SVEP1: variants seen among roughly 807,000 people sequenced by gnomAD.
SVEP1 encodes sushi, von Willebrand factor type A, EGF and pentraxin domain containing 1, also known as sushi, von Willebrand factor type A, EGF and pentraxin domain-containing protein 1.
In SVEP1, 164 loss-of-function variants were observed where a neutral mutation model predicts 367.3. The ratio of observed to expected loss-of-function variants is 0.45; its 90% CI spans 0.39 to 0.51. The LOEUF (loss-of-function observed/expected upper bound fraction) is 0.51. Ranked by LOEUF, SVEP1 falls within the 20% of genes least tolerant of loss-of-function variation. SVEP1 has a pLI of 0.00. For missense variants in SVEP1, 4,117 were observed against 4,425.3 expected, an observed-to-expected ratio of 0.93 and a Z score of 1.98; for synonymous variants, 1,666 against 1,611.6, an observed-to-expected ratio of 1.03 and a Z score of -0.81.
At chr9:110,390,108 A>AGT (rs1229680403) in intron 40 of SVEP1, among the ~76,000 whole-genome samples, 1 of 106,500 alleles carries the variant, frequency 9.4e-6, no homozygotes, top group Admixed American at 1.1e-4. Flanking sequence ...TACTTATATA[A>AGT]GTATATATAC....
intron 1 of SVEP1, among the ~76,000 whole-genome samples, chr9:110,578,746 T>C (rs1162269505): frequency 1.3e-5 from 2 of 152,208 alleles, no homozygotes; most frequent in African/African-American, 4.8e-5. Context: ...GATTAGCGTT[T>C]CAAGGATCCC....
chr9:110,578,977 G>A (rs939308799), intron 1 of SVEP1, 36 bp downstream of exon 1: 2 of 1,541,922 alleles, frequency 1.3e-6, no homozygotes, highest in Non-Finnish European at 1.7e-6. Context: ...AGGGCCCGGG[G>A]ACTAGGGCCC....
chr9:110,560,334 T>C (rs951648453), intron 1 of SVEP1, among the ~76,000 whole-genome samples: 4 of 152,194 alleles, frequency 2.6e-5, no homozygotes, highest in Non-Finnish European at 5.9e-5. Flanking sequence ...AATTGCCTAA[T>C]GATGCTTTTC....
At chr9:110,541,847 C>A (rs980896648) in intron 3 of SVEP1, among the ~76,000 whole-genome samples, 4 of 135,750 alleles carry the variant, frequency 2.9e-5, no homozygotes, top group Admixed American at 1.5e-4. Context: ...ACATAGATAT[C>A]TATATATATC....
chr9:110,566,437 C>A (rs11795219), intron 1 of SVEP1, among the ~76,000 whole-genome samples: 31,481 of 152,066 alleles, frequency 0.21, 3,339 homozygotes, highest in East Asian at 0.31. Context: ...AAAGTGCTTA[C>A]AGTGGTGCCT....
At chr9:110,428,721 T>C (rs1564140021) in intron 35 of SVEP1, among the ~76,000 whole-genome samples, 1 of 152,056 alleles carries the variant, frequency 6.6e-6, no homozygotes, top group Non-Finnish European at 1.5e-5. Context: ...TTTGAGAACA[T>C]CCTCATATTT....
chr9:110,388,365 G>A (rs1827558586), intron 41 of SVEP1, among the ~76,000 whole-genome samples: 1 of 152,240 alleles, frequency 6.6e-6, no homozygotes, highest in African/African-American at 2.4e-5. Context: ...ATGGGCTTGA[G>A]TCTTAATTTT....
At chr9:110,484,492 G>T (rs1302413177) in intron 9 of SVEP1, among the ~76,000 whole-genome samples, 2 of 151,934 alleles carry the variant, frequency 1.3e-5, no homozygotes, top group African/African-American at 4.8e-5. Context: ...CAATAAAGTG[G>T]GTGTATAATC....
intron 36 of SVEP1, among the ~76,000 whole-genome samples, chr9:110,426,523 T>G (rs1269988053): frequency 6.6e-6 from 1 of 152,066 alleles, no homozygotes; most frequent in Admixed American, 6.6e-5. Flanking sequence ...AACAACAGAG[T>G]TGAGATACAA....
rs149371642 is a variant in SVEP1, at chr9:110,474,511, C to G, written c.2599+1693G>C. On this transcript the variant is annotated intron_variant, in intron 14 of 47. Transcript: ENST00000374469. ...GTGCCACCTGCCCATGCTTTTTTCTCAAGAATTGCCATTTGGACCCTTATT... is the reference window on the plus strand; with the variant it reads ...GTGCCACCTGCCCATGCTTTTTTCTGAAGAATTGCCATTTGGACCCTTATT... 3.4e-4 allele frequency among the ~76,000 whole-genome samples: 52 copies of G among 152,138 alleles called. No individual in the cohort carries two copies. In the East Asian group the frequency reaches 9.6e-3, roughly 28 times the overall value.
Position 110,427,595 on chromosome 9 carries a change from C to T in SVEP1, c.5971G>A (p.Glu1991Lys). The change falls in exon 36 of 48, where the codon GAA becomes AAA. Residue 1991 changes from glutamate (E) to lysine (K), a missense_variant. Glu to Lys is a moderately conservative substitution (Grantham distance 56). Transcript: ENST00000374469. ...TCCTTCACAGGCCCTACTCACCCTT[C>T]TTTGCAAGTGTAAGTGACGGTGTTC... is the stretch of plus-strand genomic sequence containing the variant. The part of the protein sequence containing the change: ...FRNTVTYTCK[E>K]GYTLAGLDTI... 6.2e-7 allele frequency: 1 copy of T among 1,612,968 alleles called. No individual in the cohort carries two copies.
intron 22 of SVEP1, among the ~76,000 whole-genome samples, chr9:110,452,234 G>A (rs1425755121): frequency 1.3e-5 from 2 of 152,008 alleles, no homozygotes. Context: ...TTTTTTCACA[G>A]TAAACCCACA....
intron 3 of SVEP1, among the ~76,000 whole-genome samples, chr9:110,533,245 T>C (rs1830042023): frequency 6.6e-6 from 1 of 152,166 alleles, no homozygotes; most frequent in Admixed American, 6.6e-5. Flanking sequence ...CTACCACTGA[T>C]GGAGCACAGT....
chr9:110,409,808 T>C (rs1828018415), intron 37 of SVEP1, among the ~76,000 whole-genome samples: 1 of 152,154 alleles, frequency 6.6e-6, no homozygotes, highest in East Asian at 1.9e-4. Context: ...TTAATATTCG[T>C]GATCTCAAAA....
chr9:110,408,706 A>T lies in SVEP1; in HGVS notation c.6894T>A (p.Gly2298=). 6.2e-7 allele frequency: 1 copy of T among 1,614,018 alleles called. No homozygotes were observed. Among genetic ancestry groups the T allele is most frequent in the South Asian group, 1.1e-5 (1 of 91,086 alleles). The part of the protein sequence containing the change: ...FFCNEGYELV[G]DSSWTCQKSG... ...ATTTCTGACATGTCCAAGAACTGTC[A>T]CCAACAAGCTCATAACCCTCATTAC... is the stretch of plus-strand genomic sequence containing the variant. Residue 2298 remains glycine (G), a synonymous_variant, in exon 38 of 48, where the codon GGT becomes GGA. Transcript: ENST00000374469.
intron 10 of SVEP1, 61 bp downstream of exon 10, chr9:110,483,524 CT>C: frequency 8.1e-7 from 1 of 1,231,310 alleles, no homozygotes; most frequent in Non-Finnish European, 1.1e-6. Flanking sequence ...CATTAAAAAG[CT>C]TTTTAAAATA....
At chr9:110,443,842 CATT>C in intron 26 of SVEP1, 122 bp from the exon 27 acceptor site, 1 of 782,788 alleles carries the variant, frequency 1.3e-6, no homozygotes, top group South Asian at 3.7e-5. Flanking sequence ...TGTGTAAATC[CATT>C]ACTCTTTTTT....
At chr9:110,490,809 GTTTTT>G (rs977081535) in intron 8 of SVEP1, among the ~76,000 whole-genome samples, 4 of 151,906 alleles carry the variant, frequency 2.6e-5, no homozygotes, top group African/African-American at 4.8e-5. Flanking sequence ...TTAATGAACT[GTTTTT>G]TAATGCCATA....
chr9:110,483,310 C>T (rs73655378), intron 10 of SVEP1, among the ~76,000 whole-genome samples: 4,292 of 152,192 alleles, frequency 0.028, 192 homozygotes, highest in African/African-American at 0.098. Flanking sequence ...AGCTTGGAGA[C>T]TAAAGAAATT....
Sources: allele counts gnomAD v4.1 joint callset (sites outside exome capture counted in the v4.1 genomes callset), GRCh38; gene constraint gnomAD v4.1.1; transcripts MANE v1.5; gene names NCBI Gene and HGNC (gene_info 2026-07-23, HGNC 2026-07-21).